The following PPM1H variants were observed in gnomAD, a reference collection of about 807,000 sequenced individuals.
PPM1H encodes protein phosphatase 1H.
Under a neutral mutation model 54.9 loss-of-function variants are expected in PPM1H, and 27 were observed. The ratio of observed to expected loss-of-function variants is 0.49; its 90% CI spans 0.36 to 0.68. The LOEUF (loss-of-function observed/expected upper bound fraction) is 0.68. Among genes scored for constraint, PPM1H ranks in the 30% least tolerant of loss-of-function variants. PPM1H has a pLI of 0.00. For missense variants in PPM1H, 596 were observed against 667.8 expected (o/e 0.89, Z 1.19); for synonymous variants, 305 against 270.8 (o/e 1.13, Z -1.24).
At chr12:62,805,410 A>G (rs1326958506) in intron 2 of PPM1H, among the ~76,000 whole-genome samples, 1 of 152,238 alleles carries the variant, frequency 6.6e-6, no homozygotes. Context: ...TCATTGCAGC[A>G]TTATTCACAA....
At position 62,801,917 on chromosome 12, in the gene PPM1H, G is replaced by A. The variant is rs1468500377; in HGVS notation, c.655C>T (p.Pro219Ser). The change falls in exon 3 of 10, where the codon CCG (proline) becomes TCG (serine). Residue 219 changes from proline to serine, a missense_variant. This residue lies in a region of PPM1H where 382 missense variants were observed against 387.1 expected (regional missense o/e 0.99). Coordinates refer to ENST00000228705, the MANE Select transcript of PPM1H (RefSeq NM_020700.2). ...GTGGGGGGCGTGCTGGGGGAGCCCG[G>A]GGCCCCCACCCCTCCGCGCAGGGAG... ...AASLRGGVGA[P>S]GSPSTPPTRF... 6.2e-7 allele frequency: 1 copy of A among 1,613,402 alleles called. No homozygotes were observed. The highest frequency in any genetic ancestry group is 1.7e-5 in the Admixed American group (1 of 59,948).
At chr12:62,893,909 G>A (rs1364695863) in intron 1 of PPM1H, among the ~76,000 whole-genome samples, 3 of 152,100 alleles carry the variant, frequency 2.0e-5, no homozygotes, top group Non-Finnish European at 4.4e-5. Flanking sequence ...TTTAACACTG[G>A]TCTTTTTCAG....
intron 2 of PPM1H, among the ~76,000 whole-genome samples, chr12:62,828,720 T>G (rs952068340): frequency 1.3e-5 from 2 of 152,140 alleles, no homozygotes; most frequent in Non-Finnish European, 2.9e-5. Flanking sequence ...AGGTAATGGT[T>G]TTCAAATTTT....
intron 1 of PPM1H, among the ~76,000 whole-genome samples, chr12:62,841,355 A>G (rs917530590): frequency 5.9e-5 from 9 of 152,196 alleles, no homozygotes; most frequent in African/African-American, 1.9e-4. Context: ...GCTGGGGGGA[A>G]AAAAGAATAT....
At chr12:62,736,191 C>T (rs1462490135) in intron 5 of PPM1H, among the ~76,000 whole-genome samples, 4 of 151,960 alleles carry the variant, frequency 2.6e-5, no homozygotes, top group Non-Finnish European at 4.4e-5. Context: ...ATCCTTGCAG[C>T]TCAGAGGCCC....
intron 4 of PPM1H, among the ~76,000 whole-genome samples, chr12:62,764,248 C>T (rs1245597463): frequency 1.3e-5 from 2 of 152,118 alleles, no homozygotes; most frequent in African/African-American, 2.4e-5. Flanking sequence ...GAGGCACCGT[C>T]TAGGGACACC....
chr12:62,735,056 A>T (rs954696402), intron 5 of PPM1H, among the ~76,000 whole-genome samples: 5 of 152,144 alleles, frequency 3.3e-5, no homozygotes, highest in African/African-American at 1.2e-4. Context: ...AACAAAAAAC[A>T]AAAAAACAAC....
chr12:62,690,032 G>A (rs1480026529), intron 7 of PPM1H, among the ~76,000 whole-genome samples: 2 of 152,190 alleles, frequency 1.3e-5, no homozygotes, highest in Non-Finnish European at 2.9e-5. Context: ...ATTATCTTAA[G>A]CTTGACAGGT....
At chr12:62,704,533 G>T (rs2076162610) in intron 6 of PPM1H, among the ~76,000 whole-genome samples, 1 of 152,182 alleles carries the variant, frequency 6.6e-6, no homozygotes, top group Non-Finnish European at 1.5e-5. Flanking sequence ...TTGGTCCTTG[G>T]AGTGTTCTTT....
At chr12:62,893,564 C>T (rs1357279562) in intron 1 of PPM1H, among the ~76,000 whole-genome samples, 6 of 152,178 alleles carry the variant, frequency 3.9e-5, no homozygotes, top group Admixed American at 3.9e-4. Flanking sequence ...TCAAGCAATC[C>T]TGCCACTTCA....
chr12:62,763,760 G>C (rs1030902837), intron 4 of PPM1H, among the ~76,000 whole-genome samples: 1 of 152,110 alleles, frequency 6.6e-6, no homozygotes, highest in African/African-American at 2.4e-5. Context: ...TTCATTTTAG[G>C]GGTGAAGCAA....
intron 1 of PPM1H, among the ~76,000 whole-genome samples, chr12:62,874,465 A>C (rs1192840416): frequency 2.6e-5 from 4 of 151,986 alleles, no homozygotes; most frequent in African/African-American, 7.3e-5. Context: ...AGAGACAGTA[A>C]GTTTCTCCAG....
chr12:62,785,757 A>G (rs923063419), intron 4 of PPM1H, among the ~76,000 whole-genome samples: 2 of 152,008 alleles, frequency 1.3e-5, no homozygotes, highest in Non-Finnish European at 2.9e-5. Flanking sequence ...AGATTCCAGG[A>G]CAGAGGACTG....
chr12:62,910,673 A>G (rs536904434), intron 1 of PPM1H, among the ~76,000 whole-genome samples: 16 of 152,316 alleles, frequency 1.1e-4, no homozygotes, highest in Admixed American at 1.0e-3. Context: ...CTGACGAAGG[A>G]AGGGCTTAGC....
At chr12:62,907,783 C>G (rs1421646196) in intron 1 of PPM1H, among the ~76,000 whole-genome samples, 1 of 152,154 alleles carries the variant, frequency 6.6e-6, no homozygotes, top group African/African-American at 2.4e-5. Context: ...CCATACCAGC[C>G]TGCACTTCAG....
At chr12:62,837,696 T>C (rs751158670) in intron 1 of PPM1H, among the ~76,000 whole-genome samples, 8 of 152,250 alleles carry the variant, frequency 5.3e-5, no homozygotes, top group Non-Finnish European at 1.2e-4. Flanking sequence ...TGCTCTAGCA[T>C]GAAAAGTATT....
intron 8 of PPM1H, among the ~76,000 whole-genome samples, chr12:62,685,137 C>G (rs2076044340): frequency 6.6e-6 from 1 of 152,076 alleles, no homozygotes; most frequent in Non-Finnish European, 1.5e-5. Flanking sequence ...ACCCATTAAG[C>G]TAAATTATAG....
Position 62,647,867 on chromosome 12 carries a change from G to A in PPM1H, c.*622C>T, listed in dbSNP as rs1248374400. The A allele has an allele frequency of 7.2e-6, 1 of 139,582 alleles. No homozygotes were observed. The highest frequency in any genetic ancestry group is 1.5e-5 in the Non-Finnish European group (1 of 66,442). The allele number at this position is 139,582 out of a possible 1,614,324, so 8.6% of individuals were successfully genotyped here. On this transcript the variant is annotated 3_prime_UTR_variant, in exon 10 of 10. Coordinates refer to ENST00000228705, the MANE Select transcript of PPM1H (RefSeq NM_020700.2). ...TGGAAAGTCCCAGGCCTGTTCTGTG[G>A]AAGGGGAATAAAAAACAGATTCAAG... is the stretch of plus-strand genomic sequence containing the variant.
chr12:62,818,827 T>C (rs916747013), intron 2 of PPM1H, among the ~76,000 whole-genome samples: 24 of 144,592 alleles, frequency 1.7e-4, no homozygotes, highest in Admixed American at 4.0e-4. Context: ...TTTTCTTTTT[T>C]TTTTTTTTTT....
Sources: gnomAD v4.1 joint callset for allele counts (sites outside exome capture counted in the v4.1 genomes callset) on GRCh38, gnomAD v4.1.1 for gene constraint, gnomAD v4.1.1 regional missense constraint, MANE v1.5 for transcripts, NCBI Gene and HGNC (gene_info 2026-07-23, HGNC 2026-07-21) for gene names.